Variants in SPATA21 observed in about 807,000 individuals in gnomAD.
SPATA21 encodes spermatogenesis associated 21.
SPATA21 carries 47 observed loss-of-function variants against 54.8 expected under a neutral mutation model. The ratio of observed to expected loss-of-function variants is 0.86; its 90% CI spans 0.68 to 1.09. The LOEUF (loss-of-function observed/expected upper bound fraction) is 1.09, where lower values mean the gene tolerates loss of function less well. SPATA21 is among the 50% of genes least tolerant of loss of function. SPATA21 has a pLI of 0.00. For missense variants in SPATA21, 599 were observed against 596.4 expected (o/e 1.00, Z -0.05); for synonymous variants, 245 against 235.3 (o/e 1.04, Z -0.38).
At chr1:16,427,254 C>G (rs554426069) in intron 3 of SPATA21, among the ~76,000 whole-genome samples, 2 of 152,152 alleles carry the variant, frequency 1.3e-5, no homozygotes, top group South Asian at 4.2e-4. Context: ...CAGTAGTTGT[C>G]TCAGTGGGCC....
intron 2 of SPATA21, among the ~76,000 whole-genome samples, chr1:16,432,400 G>C (rs997060818): frequency 6.6e-6 from 1 of 151,988 alleles, no homozygotes; most frequent in Non-Finnish European, 1.5e-5. Context: ...GGGATTACAG[G>C]TGTGAGCCAC....
intron 7 of SPATA21, among the ~76,000 whole-genome samples, chr1:16,406,023 T>C (rs673126): frequency 0.47 from 71,233 of 152,062 alleles, 17,228 homozygotes; most frequent in East Asian, 0.68. Flanking sequence ...GAGTGGAGGC[T>C]ACTAATTAGC....
Position 16,425,558 on chromosome 1 carries a change from C to T in SPATA21, c.35-3587G>A, listed in dbSNP as rs1044427163. On this transcript the variant is annotated intron_variant, in intron 3 of 12. Transcript: ENST00000335496. Reference sequence around the variant, plus strand: ...CTCAGGAGGCTGATCCTCCCCGATTCCCCGGTTCCGTTGCCTCCCCTGCTG... The same window carrying T: ...CTCAGGAGGCTGATCCTCCCCGATTTCCCGGTTCCGTTGCCTCCCCTGCTG... 1.9e-6 allele frequency: 3 copies of T among 1,549,430 alleles called. No individual in the cohort carries two copies. In the African/African-American group the frequency reaches 4.1e-5, roughly 21 times the overall value.
At chr1:16,429,770 G>A (rs568002538) in intron 3 of SPATA21, among the ~76,000 whole-genome samples, 218 of 150,464 alleles carry the variant, frequency 1.4e-3, no homozygotes, top group African/African-American at 5.2e-3. Context: ...CACCGCGCCC[G>A]GCTGGCTGAC....
At chr1:16,401,863 TC>T (rs1224141727) in intron 10 of SPATA21, among the ~76,000 whole-genome samples, 2 of 152,138 alleles carry the variant, frequency 1.3e-5, no homozygotes, top group Non-Finnish European at 2.9e-5. Flanking sequence ...ACAACATCAT[TC>T]ATTTAGTAAG....
intron 3 of SPATA21, among the ~76,000 whole-genome samples, chr1:16,429,615 C>T (rs1308751473): frequency 2.6e-5 from 4 of 151,944 alleles, no homozygotes; most frequent in African/African-American, 7.3e-5. Flanking sequence ...GCTGGGATTA[C>T]AGGCATGCAC....
intron 3 of SPATA21, among the ~76,000 whole-genome samples, chr1:16,426,581 T>TATATATATATATATATATATA (rs1341237564): frequency 1.5e-5 from 1 of 67,758 alleles, no homozygotes; most frequent in East Asian, 7.6e-4. Flanking sequence ...ATATATATAT[T>TATATATATATATATATATATA]TTTTTTTTTT....
At position 16,428,797 on chromosome 1, in the gene SPATA21, T is replaced by C. The variant is rs543573663; in HGVS notation, c.34+2541A>G. The stretch of plus-strand genomic sequence containing the variant: ...GCAAACTCCAAACAAATGGACTTAA[T>C]TAACTCATTGACATTGATATAATAC... On this transcript the variant is annotated intron_variant, in intron 3 of 12. Transcript: ENST00000335496. This position sits in a 1 kb window ranked among gnomAD's most constrained non-coding sequence, Gnocchi z 4.3. 6.6e-6 allele frequency among the ~76,000 whole-genome samples: 1 copy of C among 152,318 alleles called. No homozygotes were observed. The highest frequency in any genetic ancestry group is 6.5e-5 in the Admixed American group (1 of 15,294).
At chr1:16,406,998 C>T (rs1458874598) in intron 7 of SPATA21, among the ~76,000 whole-genome samples, 1 of 152,218 alleles carries the variant, frequency 6.6e-6, no homozygotes, top group Non-Finnish European at 1.5e-5. Context: ...GGACGGTGGG[C>T]ATGGGCAGGC....
chr1:16,423,666 C>A (rs1204433724), intron 3 of SPATA21, among the ~76,000 whole-genome samples: 1 of 150,586 alleles, frequency 6.6e-6, no homozygotes, highest in Non-Finnish European at 1.5e-5. Flanking sequence ...GCCTCAGCCT[C>A]CCGAGTAGCT....
At chr1:16,403,680 A>G in intron 10 of SPATA21, 47 bp downstream of exon 10, 1 of 1,528,382 alleles carries the variant, frequency 6.5e-7, no homozygotes, top group Non-Finnish European at 9.1e-7. Context: ...GCTAGATGCC[A>G]CCTCTGTGTC....
At chr1:16,413,745 T>C (rs2100831802) in intron 5 of SPATA21, among the ~76,000 whole-genome samples, 1 of 152,262 alleles carries the variant, frequency 6.6e-6, no homozygotes, top group African/African-American at 2.4e-5. Context: ...CTGGAGTAGC[T>C]GGGACTACAG....
intron 7 of SPATA21, 121 bp from the exon 8 acceptor site, chr1:16,405,225 G>T: frequency 7.2e-7 from 1 of 1,393,638 alleles, no homozygotes; most frequent in Non-Finnish European, 9.5e-7. Flanking sequence ...AAAATTGCTG[G>T]GTGCGTTGGC....
chr1:16,412,558 G>A (rs1438824415), intron 5 of SPATA21, among the ~76,000 whole-genome samples: 3 of 152,106 alleles, frequency 2.0e-5, no homozygotes, highest in African/African-American at 4.8e-5. Context: ...TGCCTCCCGT[G>A]TTCAAGCAAT....
Position 16,399,343 on chromosome 1 carries a change from C to G in SPATA21, c.1352+1G>C, listed in dbSNP as rs1557638129. Reference sequence around the variant, plus strand: ...CTGGGACCCTTTCTCTGGGCACCCACCTGTTTCCTTGAGATCCTGACTGGA... The same window carrying G: ...CTGGGACCCTTTCTCTGGGCACCCAGCTGTTTCCTTGAGATCCTGACTGGA... On this transcript the variant is annotated splice_donor_variant, in intron 12 of 12. Coordinates refer to ENST00000335496, the MANE Select transcript of SPATA21 (RefSeq NM_198546.1). LOFTEE classifies it high-confidence loss of function. The G allele has an allele frequency of 2.5e-6, 4 of 1,609,028 alleles. No homozygotes were observed. Among genetic ancestry groups the G allele is most frequent in the Non-Finnish European group, 2.5e-6 (3 of 1,177,088 alleles).
At chr1:16,410,119 T>C in intron 5 of SPATA21, 76 bp from the exon 6 acceptor site, 2 of 1,217,108 alleles carry the variant, frequency 1.6e-6, no homozygotes, top group Non-Finnish European at 1.1e-6. Flanking sequence ...TGCCATCCCC[T>C]CTCCAGAGAT....
chr1:16,415,123 G>C (rs547045282), intron 5 of SPATA21, among the ~76,000 whole-genome samples: 46 of 152,206 alleles, frequency 3.0e-4, no homozygotes, highest in African/African-American at 1.1e-3. Flanking sequence ...GATCGCTTGA[G>C]CTCAGGAGTT....
rs74870103 is a variant in SPATA21 at position 16,399,424 on chromosome 1, A to G, written c.1272T>C (p.Tyr424=). The G allele has an allele frequency of 2.1e-3, 3,433 of 1,614,158 alleles. 60 individuals carry two copies. The African/African-American group carries it at 0.039, about 18-fold the overall frequency. The change falls in exon 12 of 13, where the codon TAT becomes TAC. Residue 424 remains tyrosine, a synonymous_variant. Transcript: ENST00000335496. ...KMVRRQPSNH[Y]ALDQCTPPGL... Reference sequence around the variant, plus strand: ...CAGGGGGTGTGCACTGGTCTAGTGCATAGTGGTTGCTCGGCTGCCTACGGA... The same window carrying G: ...CAGGGGGTGTGCACTGGTCTAGTGCGTAGTGGTTGCTCGGCTGCCTACGGA...
At chr1:16,425,264 C>T (rs907053166) in intron 3 of SPATA21, 2 of 625,976 alleles carry the variant, frequency 3.2e-6, no homozygotes, top group Non-Finnish European at 5.9e-6. Flanking sequence ...AGCCCAGTGA[C>T]CCACAGACTG....
Sources: gnomAD v4.1 joint callset for allele counts (sites outside exome capture counted in the v4.1 genomes callset) on GRCh38, gnomAD v4.1.1 for gene constraint, Gnocchi (gnomAD v3.1) non-coding constraint, MANE v1.5 for transcripts, NCBI Gene and HGNC (gene_info 2026-07-23, HGNC 2026-07-21) for gene names.